The following SLC24A2 variants were observed in gnomAD, a reference collection of about 807,000 sequenced individuals.
The protein encoded by SLC24A2 is solute carrier family 24 member 2.
A neutral mutation model predicts 62.0 loss-of-function variants in SLC24A2; 36 were observed. The ratio of observed to expected loss-of-function variants is 0.58; its 90% CI spans 0.44 to 0.77. SLC24A2 has a LOEUF of 0.77. Ranked by LOEUF, SLC24A2 falls within the 30% of genes least tolerant of loss-of-function variation. The pLI is 0.00. For missense variants in SLC24A2, 846 were observed against 817.9 expected, an observed-to-expected ratio of 1.03 and a Z score of -0.42; for synonymous variants, 358 against 294.0, an observed-to-expected ratio of 1.22 and a Z score of -2.23.
At chr9:19,768,930 G>A (rs1822599485) in intron 2 of SLC24A2, among the ~76,000 whole-genome samples, 1 of 152,056 alleles carries the variant, frequency 6.6e-6, no homozygotes, top group African/African-American at 2.4e-5. Flanking sequence ...AGGCCTTTGA[G>A]TTCTTCCCTG....
chr9:19,725,449 T>C (rs1457595055), intron 2 of SLC24A2, among the ~76,000 whole-genome samples: 1 of 152,226 alleles, frequency 6.6e-6, no homozygotes, highest in Non-Finnish European at 1.5e-5. Context: ...TTATTCTATC[T>C]TGGCTTAGGA....
chr9:19,553,472 G>A (rs2132761279), intron 7 of SLC24A2, among the ~76,000 whole-genome samples: 1 of 152,324 alleles, frequency 6.6e-6, no homozygotes, highest in African/African-American at 2.4e-5. Context: ...ATCTGCTGGG[G>A]TCTCTGTAGA....
the SLC24A2 span, among the ~76,000 whole-genome samples, chr9:20,031,962 A>G: frequency 1.3e-5 from 2 of 152,374 alleles, no homozygotes; most frequent in African/African-American, 4.8e-5. Context: ...ATATGATATC[A>G]GAGAACCTAG....
At chr9:19,924,079 T>C in the SLC24A2 span, among the ~76,000 whole-genome samples, 1 of 152,194 alleles carries the variant, frequency 6.6e-6, no homozygotes, top group African/African-American at 2.4e-5. Context: ...GAAATTACAC[T>C]GTGTTCACTC....
At chr9:19,654,338 C>G (rs1314197769) in intron 2 of SLC24A2, among the ~76,000 whole-genome samples, 1 of 152,112 alleles carries the variant, frequency 6.6e-6, no homozygotes, top group Non-Finnish European at 1.5e-5. Flanking sequence ...GCTGCCTTGC[C>G]CTTCAGCACC....
the SLC24A2 span, among the ~76,000 whole-genome samples, chr9:20,095,140 T>TTTTG: frequency 1.3e-5 from 2 of 152,154 alleles, no homozygotes; most frequent in Non-Finnish European, 2.9e-5. Flanking sequence ...AAAATCCAAT[T>TTTTG]TTTGTTTTGT....
At chr9:20,171,567 T>C in the SLC24A2 span, among the ~76,000 whole-genome samples, 2 of 152,008 alleles carry the variant, frequency 1.3e-5, no homozygotes, top group African/African-American at 2.4e-5. Flanking sequence ...GGAGTAGCTA[T>C]TCTTATATCA....
intron 2 of SLC24A2, among the ~76,000 whole-genome samples, chr9:19,763,993 T>C (rs1160036341): frequency 6.6e-6 from 1 of 152,192 alleles, no homozygotes; most frequent in Admixed American, 6.5e-5. Context: ...TTTCAGAACT[T>C]GTTATTGGTC....
intron 7 of SLC24A2, among the ~76,000 whole-genome samples, chr9:19,560,560 G>A (rs559118607): frequency 7.2e-5 from 11 of 152,206 alleles, no homozygotes; most frequent in African/African-American, 1.4e-4. Flanking sequence ...AAACCAAAAC[G>A]GAAGCCCTTA....
At chr9:19,833,821 C>A in the SLC24A2 span, among the ~76,000 whole-genome samples, 1 of 152,236 alleles carries the variant, frequency 6.6e-6, no homozygotes, top group Admixed American at 6.5e-5. Flanking sequence ...CTGGGGGGCA[C>A]CCCCAACTAG....
chr9:19,782,042 C>T (rs573059414), intron 2 of SLC24A2, among the ~76,000 whole-genome samples: 66 of 152,316 alleles, frequency 4.3e-4, no homozygotes, highest in Admixed American at 2.4e-3. Context: ...ACTAAGTAGT[C>T]TGGCCCTCCA....
chr9:19,668,407 T>C (rs1334546029), intron 2 of SLC24A2, among the ~76,000 whole-genome samples: 2 of 152,184 alleles, frequency 1.3e-5, no homozygotes, highest in African/African-American at 2.4e-5. Context: ...CTTCACAGAA[T>C]ATAAGCAGTA....
chr9:20,032,470 G>T, the SLC24A2 span, among the ~76,000 whole-genome samples: 2 of 152,050 alleles, frequency 1.3e-5, no homozygotes, highest in Non-Finnish European at 2.9e-5. Context: ...TTTTAGTATG[G>T]GACTGTGTTT....
chr9:20,255,547 G>A, the SLC24A2 span, among the ~76,000 whole-genome samples: 9 of 152,194 alleles, frequency 5.9e-5, no homozygotes, highest in African/African-American at 2.2e-4. Flanking sequence ...CTTCCAAGTT[G>A]ATTCACTCAC....
chr9:19,791,472 T>C (rs1823319833), upstream of SLC24A2, among the ~76,000 whole-genome samples: 1 of 152,238 alleles, frequency 6.6e-6, no homozygotes. Flanking sequence ...AGATAAATGT[T>C]GTGGGAGTGA....
At chr9:19,541,772 AGCCTGGGCAATGGCGG>A (rs1327243480) in intron 8 of SLC24A2, among the ~76,000 whole-genome samples, 1 of 148,516 alleles carries the variant, frequency 6.7e-6, no homozygotes, top group East Asian at 2.0e-4. Flanking sequence ...TACCTAAGCA[AGCCTGGGCAATGGCGG>A]GCGCCCCTCC....
the SLC24A2 span, among the ~76,000 whole-genome samples, chr9:20,270,480 C>T: frequency 6.6e-6 from 1 of 152,336 alleles, no homozygotes; most frequent in African/African-American, 2.4e-5. Context: ...CTCTTTGCAA[C>T]CCATCCCCAC....
chr9:20,127,075 C>T, the SLC24A2 span, among the ~76,000 whole-genome samples: 3 of 151,936 alleles, frequency 2.0e-5, no homozygotes, highest in African/African-American at 7.3e-5. Context: ...TTTCTTTACC[C>T]CACCCTAACC....
chr9:19,868,854 C>T, the SLC24A2 span, among the ~76,000 whole-genome samples: 3 of 151,570 alleles, frequency 2.0e-5, no homozygotes, highest in Non-Finnish European at 4.4e-5. Flanking sequence ...AACCTATTTG[C>T]TTTTTTTAAT....
Sources: allele counts gnomAD v4.1 joint callset (sites outside exome capture counted in the v4.1 genomes callset), GRCh38; gene constraint gnomAD v4.1.1; transcripts MANE v1.5; gene names NCBI Gene and HGNC (gene_info 2026-07-23, HGNC 2026-07-21).